Variants in HHIP observed in about 807,000 individuals in gnomAD.
HHIP encodes hedgehog-interacting protein.
A neutral mutation model predicts 74.0 loss-of-function variants in HHIP; 12 were observed. That is an observed-to-expected ratio of 0.16 (90% CI 0.10 to 0.26). HHIP has a LOEUF of 0.26. Ranked by LOEUF, HHIP falls within the 10% of genes least tolerant of loss-of-function variation. HHIP has a pLI of 1.00. For missense variants in HHIP, 788 were observed against 845.0 expected (o/e 0.93, Z 0.84); for synonymous variants, 309 against 311.6 (o/e 0.99, Z 0.09).
chr4:144,674,204 G>A (rs371605580), intron 4 of HHIP, among the ~76,000 whole-genome samples: 1 of 152,112 alleles, frequency 6.6e-6, no homozygotes, highest in Non-Finnish European at 1.5e-5. Flanking sequence ...TACCAACCTC[G>A]TTTCCATACA....
chr4:144,737,828 A>G lies in HHIP; in HGVS notation c.1974A>G (p.Lys658=). Residue 658 remains lysine, a synonymous_variant, in exon 13 of 13, where the codon AAA becomes AAG. Transcript: ENST00000296575. The part of the protein sequence containing the change: ...VCVRPNKCLC[K]KGYLGPQCEQ... ...TTAGACCGAACAAGTGCCTCTGTAA[A>G]AAAGGATATCTTGGTCCTCAATGTG... 6.2e-7 allele frequency: 1 copy of G among 1,613,950 alleles called. No homozygotes were observed. Among genetic ancestry groups the G allele is most frequent in the South Asian group, 1.1e-5 (1 of 91,068 alleles).
chr4:144,667,039 A>T (rs902430939), intron 4 of HHIP, among the ~76,000 whole-genome samples: 2 of 152,186 alleles, frequency 1.3e-5, no homozygotes, highest in Admixed American at 6.5e-5. Flanking sequence ...TGCTAGCAAT[A>T]CACCCTGGGG....
At chr4:144,725,118 T>C (rs899605325) in intron 11 of HHIP, among the ~76,000 whole-genome samples, 1 of 152,160 alleles carries the variant, frequency 6.6e-6, no homozygotes, top group Non-Finnish European at 1.5e-5. Context: ...AGTAAATTAG[T>C]ATATCATCAG....
chr4:144,707,530 C>T (rs998513754), intron 6 of HHIP, among the ~76,000 whole-genome samples: 2 of 151,528 alleles, frequency 1.3e-5, no homozygotes, highest in African/African-American at 4.9e-5. Flanking sequence ...AAGCAGTGGC[C>T]CTGTACAACC....
intron 4 of HHIP, among the ~76,000 whole-genome samples, chr4:144,684,108 C>CA (rs1729416028): frequency 6.6e-6 from 1 of 150,544 alleles, no homozygotes; most frequent in Admixed American, 6.6e-5. Flanking sequence ...CGCAGTGACT[C>CA]ACGCCTGTAA....
At chr4:144,736,162 G>GTC (rs1731114216) in intron 12 of HHIP, among the ~76,000 whole-genome samples, 1 of 138,338 alleles carries the variant, frequency 7.2e-6, no homozygotes, top group Admixed American at 7.6e-5. Flanking sequence ...TTGAGGTGGA[G>GTC]TCTCTCTCTG....
intron 11 of HHIP, among the ~76,000 whole-genome samples, chr4:144,731,887 G>A (rs1730968719): frequency 6.6e-6 from 1 of 152,146 alleles, no homozygotes; most frequent in South Asian, 2.1e-4. Flanking sequence ...TACTTCATGT[G>A]TGCCTGTATC....
At chr4:144,729,263 T>C (rs1418217555) in intron 11 of HHIP, among the ~76,000 whole-genome samples, 1 of 152,098 alleles carries the variant, frequency 6.6e-6, no homozygotes, top group African/African-American at 2.4e-5. Context: ...TGATGAGTGG[T>C]CAAGGATAAT....
intron 4 of HHIP, among the ~76,000 whole-genome samples, chr4:144,677,858 A>G (rs1221508604): frequency 1.3e-5 from 2 of 152,102 alleles, no homozygotes; most frequent in African/African-American, 4.8e-5. Context: ...TAATGTTCAT[A>G]TAATATTTGT....
At chr4:144,733,446 T>C (rs1173875013) in intron 11 of HHIP, among the ~76,000 whole-genome samples, 2 of 152,098 alleles carry the variant, frequency 1.3e-5, no homozygotes, top group African/African-American at 4.8e-5. Context: ...TGGTTTTGAG[T>C]CATTGTAGAA....
At chr4:144,677,159 C>T (rs1185942640) in intron 4 of HHIP, among the ~76,000 whole-genome samples, 1 of 152,198 alleles carries the variant, frequency 6.6e-6, no homozygotes, top group Non-Finnish European at 1.5e-5. Flanking sequence ...GCTACTGTGA[C>T]TGCCGTTCTT....
At chr4:144,736,136 CTTTTTTT>C (rs36088965) in intron 12 of HHIP, among the ~76,000 whole-genome samples, 3 of 128,272 alleles carry the variant, frequency 2.3e-5, no homozygotes, top group African/African-American at 8.6e-5. Flanking sequence ...TTTTCTGCAT[CTTTTTTT>C]TTTTTTTTTT....
intron 1 of HHIP, among the ~76,000 whole-genome samples, chr4:144,651,388 G>A (rs771440695): frequency 2.0e-4 from 30 of 151,632 alleles, no homozygotes; most frequent in Middle Eastern, 3.4e-3. Flanking sequence ...AATTTTTTTC[G>A]TTACTTTGCT....
At position 144,659,768 on chromosome 4, in the gene HHIP, T is replaced by A; in HGVS notation, c.761T>A (p.Leu254His). Residue 254 changes from leucine (L) to histidine (H), a missense_variant, in exon 4 of 13, where the codon CTT (leucine) becomes CAT (histidine). By Grantham distance (99) the Leu-to-His change is moderately conservative (BLOSUM62 -3). This residue lies in a region of HHIP where 373 missense variants were observed against 366.4 expected (regional missense o/e 1.02). Transcript: ENST00000296575. ...ILEKEGYVKI[L>H]TPEGEIFKEP... ...GAAAAAGAAGGTTATGTGAAGATAC[T>A]TACCCCTGAAGGAGAAATTTTCAAG... is the stretch of plus-strand genomic sequence containing the variant. The A allele has an allele frequency of 6.2e-7, 1 of 1,612,950 alleles. No homozygotes were observed. Among genetic ancestry groups the A allele is most frequent in the Non-Finnish European group, 8.5e-7 (1 of 1,179,588 alleles).
chr4:144,731,898 A>G (rs544764638), intron 11 of HHIP, among the ~76,000 whole-genome samples: 2 of 152,282 alleles, frequency 1.3e-5, no homozygotes, highest in African/African-American at 4.8e-5. Context: ...TGCCTGTATC[A>G]TAGCAAAGAT....
At chr4:144,663,427 T>A (rs918278040) in intron 4 of HHIP, among the ~76,000 whole-genome samples, 1 of 152,228 alleles carries the variant, frequency 6.6e-6, no homozygotes, top group Admixed American at 6.5e-5. Context: ...TGATGTAGCC[T>A]GAGCCAAACT....
intron 4 of HHIP, among the ~76,000 whole-genome samples, chr4:144,674,233 T>A (rs1199286580): frequency 6.6e-6 from 1 of 152,254 alleles, no homozygotes; most frequent in African/African-American, 2.4e-5. Flanking sequence ...ATTAGAGCTG[T>A]ATCCCACACA....
chr4:144,684,481 G>A (rs1729434876), intron 4 of HHIP, among the ~76,000 whole-genome samples: 1 of 150,456 alleles, frequency 6.6e-6, no homozygotes, highest in Non-Finnish European at 1.5e-5. Flanking sequence ...TGGTTTCACC[G>A]TGTTAGCTAA....
At chr4:144,660,830 A>C (rs564160196) in intron 4 of HHIP, among the ~76,000 whole-genome samples, 1 of 152,264 alleles carries the variant, frequency 6.6e-6, no homozygotes, top group African/African-American at 2.4e-5. Context: ...ATTTTACTTA[A>C]TCTGGTCATG....
Sources: allele counts gnomAD v4.1 joint callset (sites outside exome capture counted in the v4.1 genomes callset), GRCh38; gene constraint gnomAD v4.1.1; regional missense constraint gnomAD v4.1.1; transcripts MANE v1.5; gene names NCBI Gene and HGNC (gene_info 2026-07-23, HGNC 2026-07-21).